Variants in ANKRD33B observed in about 807,000 individuals in gnomAD.
ANKRD33B encodes the protein ankyrin repeat domain 33B.
Under a neutral mutation model 21.5 loss-of-function variants are expected in ANKRD33B, and 6 were observed. The observed-to-expected ratio is 0.28, with a 90% CI of 0.15 to 0.55. ANKRD33B has a LOEUF of 0.55. Ranked by LOEUF, ANKRD33B falls within the 20% of genes least tolerant of loss-of-function variation. ANKRD33B has a pLI of 0.94. For synonymous variants in ANKRD33B, 347 were observed against 342.4 expected (o/e 1.01, Z -0.15); for missense variants, 698 against 747.2 (o/e 0.93, Z 0.77).
chr5:10,597,581 A>T (rs1425023942), intron 1 of ANKRD33B, among the ~76,000 whole-genome samples: 1 of 152,210 alleles, frequency 6.6e-6, no homozygotes, highest in Non-Finnish European at 1.5e-5. Flanking sequence ...AGACTCCCAC[A>T]CAATAATAAT....
intron 1 of ANKRD33B, among the ~76,000 whole-genome samples, chr5:10,572,830 T>A (rs1259931035): frequency 6.6e-6 from 1 of 152,214 alleles, no homozygotes; most frequent in Non-Finnish European, 1.5e-5. Flanking sequence ...CCAGCTGGAA[T>A]GTCCCTTGCC....
intron 1 of ANKRD33B, among the ~76,000 whole-genome samples, chr5:10,586,155 G>A (rs1472660340): frequency 6.6e-6 from 1 of 151,066 alleles, no homozygotes; most frequent in Admixed American, 6.6e-5. Context: ...CATCCTTCAG[G>A]ACACGTGAGG....
intron 1 of ANKRD33B, among the ~76,000 whole-genome samples, chr5:10,584,608 C>G (rs975911174): frequency 6.6e-6 from 1 of 152,082 alleles, no homozygotes; most frequent in Non-Finnish European, 1.5e-5. Flanking sequence ...CCTCTTGATT[C>G]AGCATGAAGT....
intron 3 of ANKRD33B, among the ~76,000 whole-genome samples, chr5:10,641,919 C>T (rs969573071): frequency 6.6e-6 from 1 of 152,164 alleles, no homozygotes; most frequent in African/African-American, 2.4e-5. Context: ...CCTGCCTGCC[C>T]TCATCAATGA....
At chr5:10,614,969 A>G (rs1736252130) in intron 1 of ANKRD33B, among the ~76,000 whole-genome samples, 1 of 152,094 alleles carries the variant, frequency 6.6e-6, no homozygotes, top group Non-Finnish European at 1.5e-5. Context: ...TGCCTGCTGC[A>G]CATTTTGGGA....
intron 3 of ANKRD33B, among the ~76,000 whole-genome samples, chr5:10,640,776 A>G (rs1460200190): frequency 6.6e-6 from 1 of 152,180 alleles, no homozygotes; most frequent in South Asian, 2.1e-4. Flanking sequence ...TCACCTGTGT[A>G]ATTTGTAACT....
At chr5:10,566,855 C>G (rs989395377) in intron 1 of ANKRD33B, among the ~76,000 whole-genome samples, 2 of 152,220 alleles carry the variant, frequency 1.3e-5, no homozygotes, top group Admixed American at 1.3e-4. Flanking sequence ...CATAAAATGG[C>G]TTAGTGCCCA....
intron 2 of ANKRD33B, among the ~76,000 whole-genome samples, chr5:10,636,275 G>A (rs1312802499): frequency 6.6e-6 from 1 of 152,198 alleles, no homozygotes; most frequent in East Asian, 1.9e-4. Flanking sequence ...GAGTTGGAAT[G>A]AATAAGTGGG....
intron 1 of ANKRD33B, among the ~76,000 whole-genome samples, chr5:10,605,241 G>A (rs1266460440): frequency 6.6e-6 from 1 of 152,186 alleles, no homozygotes; most frequent in East Asian, 1.9e-4. Context: ...ATCTGGCCTT[G>A]GAAGGCACAC....
intron 1 of ANKRD33B, among the ~76,000 whole-genome samples, chr5:10,595,570 A>G (rs761424720): frequency 6.6e-6 from 1 of 152,166 alleles, no homozygotes; most frequent in Non-Finnish European, 1.5e-5. Context: ...GGATGTGGAC[A>G]TGTCTTTTCT....
chr5:10,642,004 A>AT (rs1413707383), intron 3 of ANKRD33B, among the ~76,000 whole-genome samples: 1 of 152,118 alleles, frequency 6.6e-6, no homozygotes, highest in Non-Finnish European at 1.5e-5. Context: ...CACTTTTACT[A>AT]TTTCTGGATC....
chr5:10,644,700 G>A (rs752726052), intron 3 of ANKRD33B, among the ~76,000 whole-genome samples: 2 of 152,204 alleles, frequency 1.3e-5, no homozygotes, highest in Non-Finnish European at 2.9e-5. Context: ...GTTTCTTTCT[G>A]TTTATAAGGA....
intron 1 of ANKRD33B, among the ~76,000 whole-genome samples, chr5:10,577,936 C>T (rs1022613623): frequency 9.2e-5 from 14 of 152,182 alleles, no homozygotes; most frequent in Non-Finnish European, 2.1e-4. Context: ...CTTAGGGGGA[C>T]CTGTTTCCTT....
chr5:10,644,918 G>A (rs971816513), intron 3 of ANKRD33B, among the ~76,000 whole-genome samples: 2 of 152,198 alleles, frequency 1.3e-5, no homozygotes, highest in Non-Finnish European at 2.9e-5. Context: ...TGGAAGCTAA[G>A]AAATGTCCAC....
chr5:10,647,734 A>G (rs1737220539), intron 3 of ANKRD33B, among the ~76,000 whole-genome samples: 1 of 151,988 alleles, frequency 6.6e-6, no homozygotes, highest in African/African-American at 2.4e-5. Flanking sequence ...AAGGCTGGAA[A>G]CTCAGGCAGC....
At position 10,576,320 on chromosome 5, in the gene ANKRD33B, C is replaced by A. The variant is rs553514557; in HGVS notation, c.366+11487C>A. On this transcript the variant is annotated intron_variant, in intron 1 of 3. Transcript: ENST00000296657. This position sits in a 1 kb window ranked among gnomAD's most constrained non-coding sequence, Gnocchi z 4.1. ...TTGGGCAACAGAACCTGGCTGCCTT[C>A]ACTGTGGTTCATGGGCCAGCAGCGT... Among the ~76,000 whole-genome samples, 1 of 152,320 alleles carries A rather than the reference C, an allele frequency of 6.6e-6. No individual in the cohort carries two copies. Among genetic ancestry groups the A allele is most frequent in the South Asian group, 2.1e-4 (1 of 4,830 alleles).
chr5:10,595,540 A>G (rs1735801105), intron 1 of ANKRD33B, among the ~76,000 whole-genome samples: 1 of 152,132 alleles, frequency 6.6e-6, no homozygotes, highest in South Asian at 2.1e-4. Context: ...ACAGAGTCTC[A>G]TTCACAGCGA....
intron 1 of ANKRD33B, among the ~76,000 whole-genome samples, chr5:10,609,361 T>G (rs942355079): frequency 3.3e-5 from 5 of 151,900 alleles, no homozygotes; most frequent in African/African-American, 1.2e-4. Flanking sequence ...GAGACCAGCC[T>G]CGGTAACATG....
At chr5:10,569,846 T>A (rs777650571) in intron 1 of ANKRD33B, among the ~76,000 whole-genome samples, 1 of 152,108 alleles carries the variant, frequency 6.6e-6, no homozygotes, top group Non-Finnish European at 1.5e-5. Context: ...CTAGCAGCAG[T>A]AGAGAGGCCC....
Sources: allele counts gnomAD v4.1 joint callset (sites outside exome capture counted in the v4.1 genomes callset), GRCh38; gene constraint gnomAD v4.1.1; non-coding constraint Gnocchi (gnomAD v3.1); transcripts MANE v1.5; gene names NCBI Gene and HGNC (gene_info 2026-07-23, HGNC 2026-07-21).